The following MCRIP1 variants were observed in gnomAD, a reference collection of about 807,000 sequenced individuals.
MCRIP1 encodes the protein MAPK regulated corepressor interacting protein 1.
Under a neutral mutation model 14.4 loss-of-function variants are expected in MCRIP1, and 10 were observed. The observed-to-expected ratio is 0.70, with a 90% CI of 0.43 to 1.18. MCRIP1 has a LOEUF of 1.18. Among genes scored for constraint, MCRIP1 ranks in the 50% most tolerant of loss-of-function variants. The probability of loss-of-function intolerance (pLI) is 0.00; values close to 1 mark genes in which losing one functional copy is unlikely to be tolerated. For synonymous variants in MCRIP1, 53 were observed against 55.7 expected, an observed-to-expected ratio of 0.95 and a Z score of 0.21; for missense variants, 119 against 135.4, an observed-to-expected ratio of 0.88 and a Z score of 0.60.
At position 81,823,871 on chromosome 17, in the gene MCRIP1, C is replaced by T. The variant is rs1409957796; in HGVS notation, c.128-358G>A. ...CCCCGGCCCCAGCACACGGCACACT[C>T]CCCTAATCCCAGACAACCACCTCCC... On this transcript the variant is annotated intron_variant, in intron 3 of 4. Transcript: ENST00000455127. The surrounding 1 kb of genome is among the most constrained non-coding windows in gnomAD (Gnocchi z 6.0). 3.7e-6 allele frequency: 2 copies of T among 538,572 alleles called. No homozygotes were observed. Among genetic ancestry groups the T allele is most frequent in the Non-Finnish European group, 6.6e-6 (2 of 303,742 alleles). 33.4% of individuals were successfully genotyped at this position (538,572 alleles called of 1,614,324 possible).
At chr17:81,826,420 G>A (rs1291278143) in intron 1 of MCRIP1, 3 of 1,514,338 alleles carry the variant, frequency 2.0e-6, no homozygotes, top group East Asian at 2.5e-5. Context: ...GCTACTCAGA[G>A]GCTGGGGTGG....
At chr17:81,831,714 G>C (rs1256315811) in intron 1 of MCRIP1, among the ~76,000 whole-genome samples, 1 of 152,176 alleles carries the variant, frequency 6.6e-6, no homozygotes, top group African/African-American at 2.4e-5. Flanking sequence ...GCCCCTCCCA[G>C]GGCCTCCGGG....
chr17:81,827,332 C>T (rs963594470), intron 1 of MCRIP1, among the ~76,000 whole-genome samples: 4 of 151,310 alleles, frequency 2.6e-5, no homozygotes, highest in African/African-American at 4.9e-5. Flanking sequence ...AGTGCAGTGG[C>T]GCCATCTTGG....
intron 1 of MCRIP1, chr17:81,826,514 C>T (rs2038400192): frequency 6.0e-6 from 4 of 664,084 alleles, no homozygotes; most frequent in Admixed American, 3.2e-5. Context: ...CAGAGCAAGA[C>T]CCTGTGTCAA....
In MCRIP1 at chr17:81,824,408, G is replaced by A. The variant is rs1028923046; in HGVS notation, c.9-3C>T. 2 of 1,533,500 alleles carry A rather than the reference G, an allele frequency of 1.3e-6. No homozygotes were observed. Among genetic ancestry groups the A allele is most frequent in the Admixed American group, 2.0e-5 (1 of 50,644 alleles). 95.0% of individuals were successfully genotyped at this position (1,533,500 alleles called of 1,614,324 possible). ...ACACGACTCTGGAGACGGGGGAGCTGGGGGAGCCTGGCGCATGAGACAGGG... is the reference window on the plus strand; with the variant it reads ...ACACGACTCTGGAGACGGGGGAGCTAGGGGAGCCTGGCGCATGAGACAGGG... On this transcript the variant is annotated splice_region_variant and splice_polypyrimidine_tract_variant and intron_variant, in intron 2 of 4. Coordinates refer to ENST00000455127, the MANE Select transcript of MCRIP1 (RefSeq NM_207368.5).
chr17:81,824,185 G>T, intron 3 of MCRIP1, 102 bp downstream of exon 3: 1 of 923,556 alleles, frequency 1.1e-6, no homozygotes, highest in Non-Finnish European at 1.7e-6. Context: ...AGGGGCAGGG[G>T]CAGGGGCCGC....
At chr17:81,828,154 C>T (rs1011825777) in intron 1 of MCRIP1, among the ~76,000 whole-genome samples, 1 of 152,056 alleles carries the variant, frequency 6.6e-6, no homozygotes, top group African/African-American at 2.4e-5. Context: ...TGTACCCACA[C>T]CCTCAATACC....
intron 1 of MCRIP1, among the ~76,000 whole-genome samples, chr17:81,827,432 C>T (rs2038430951): frequency 1.3e-5 from 2 of 151,842 alleles, no homozygotes; most frequent in Admixed American, 1.3e-4. Context: ...CCACCACGCC[C>T]AGCTAATTTT....
At chr17:81,826,229 A>G (rs144826913) in intron 1 of MCRIP1, 255,992 of 1,366,270 alleles carry the variant, frequency 0.19, 8,502 homozygotes, top group Admixed American at 0.21. Context: ...TTGTGTGCAC[A>G]CACACACACA....
At chr17:81,831,214 C>T (rs1443290139) in intron 1 of MCRIP1, among the ~76,000 whole-genome samples, 1 of 149,666 alleles carries the variant, frequency 6.7e-6, no homozygotes, top group East Asian at 1.9e-4. Context: ...GTGGTATGCA[C>T]CTGTAATTCC....
At chr17:81,832,877 G>T (rs988058485) in intron 1 of MCRIP1, among the ~76,000 whole-genome samples, 2 of 152,214 alleles carry the variant, frequency 1.3e-5, no homozygotes, top group South Asian at 2.1e-4. Flanking sequence ...CCAGGAGACC[G>T]GGAAAGCGGG....
chr17:81,823,496 G>A lies in MCRIP1; in HGVS notation c.145C>T (p.Arg49Ter), dbSNP rs1301945603. Reference protein sequence around the residue: ...FIYEAWQGVERDLRGQVPGGE... With the variant: ...FIYEAWQGVE ...CCCGGCACCTGGCCTCGCAGGTCTC[G>A]CTCCACACCCTGCCAGGCTGCAGAG... The change falls in exon 4 of 5, where the codon CGA (arginine) becomes TGA (stop). Residue 49 changes from arginine to a stop codon, truncating the protein, a stop_gained. Transcript: ENST00000455127. LOFTEE classifies it high-confidence loss of function. This position sits in a 1 kb window ranked among gnomAD's most constrained non-coding sequence, Gnocchi z 6.0. The A allele has an allele frequency of 2.6e-6, 4 of 1,536,356 alleles. No homozygotes were observed. The highest frequency in any genetic ancestry group is 2.0e-5 in the Admixed American group (1 of 50,984).
At chr17:81,824,447 G>C in intron 2 of MCRIP1, 42 bp from the exon 3 acceptor site, 2 of 1,534,092 alleles carry the variant, frequency 1.3e-6, no homozygotes, top group Non-Finnish European at 1.7e-6. Context: ...ACAGCAGGGT[G>C]GGAGCCCACA....
intron 1 of MCRIP1, among the ~76,000 whole-genome samples, chr17:81,828,742 C>T (rs576474766): frequency 2.0e-5 from 3 of 152,158 alleles, no homozygotes; most frequent in Non-Finnish European, 4.4e-5. Flanking sequence ...TGCAGAGGGC[C>T]GAGGCATGGA....
At chr17:81,827,972 G>A (rs1201627211) in intron 1 of MCRIP1, among the ~76,000 whole-genome samples, 1 of 151,504 alleles carries the variant, frequency 6.6e-6, no homozygotes, top group African/African-American at 2.4e-5. Flanking sequence ...AGTGGAGATG[G>A]GGTTTCACTG....
intron 1 of MCRIP1, chr17:81,825,688 C>T: frequency 7.8e-7 from 1 of 1,289,404 alleles, no homozygotes; most frequent in South Asian, 1.2e-5. Context: ...AGCTCCCAGC[C>T]CTGGAACTCT....
chr17:81,832,527 T>C (rs2143270505), intron 1 of MCRIP1, among the ~76,000 whole-genome samples: 1 of 152,364 alleles, frequency 6.6e-6, no homozygotes, highest in Non-Finnish European at 1.5e-5. Context: ...GGTCCCTGTT[T>C]ACACCTCAGG....
chr17:81,825,880 GGT>G, intron 1 of MCRIP1: 1 of 1,290,736 alleles, frequency 7.7e-7, no homozygotes, highest in Non-Finnish European at 1.0e-6. Context: ...GGCCTGTTTG[GGT>G]TGAGGGTCCC....
rs1283458302 is a variant in MCRIP1, at chr17:81,823,629, T to G, written c.128-116A>C. 4.8e-6 allele frequency: 4 copies of G among 836,074 alleles called. No homozygotes were observed. The highest frequency in any genetic ancestry group is 7.6e-6 in the Non-Finnish European group (4 of 527,530). 51.8% of individuals were successfully genotyped at this position (836,074 alleles called of 1,614,324 possible). On this transcript the variant is annotated intron_variant, in intron 3 of 4. Transcript: ENST00000455127. This position sits in a 1 kb window ranked among gnomAD's most constrained non-coding sequence, Gnocchi z 6.0. ...CCCAGATCCTCTTCTCCCTCAGAAG[T>G]GTCCTCCATGCTCCCCCACAGCCCT...
Sources: allele counts gnomAD v4.1 joint callset (sites outside exome capture counted in the v4.1 genomes callset), GRCh38; gene constraint gnomAD v4.1.1; non-coding constraint Gnocchi (gnomAD v3.1); transcripts MANE v1.5; gene names NCBI Gene and HGNC (gene_info 2026-07-23, HGNC 2026-07-21).